The following AFF2 variants were observed in gnomAD, a reference collection of about 807,000 sequenced individuals.
The protein encoded by AFF2 is ALF transcription elongation factor 2.
Under a neutral mutation model 76.9 loss-of-function variants are expected in AFF2, and 14 were observed. That is an observed-to-expected ratio of 0.18 (90% CI 0.12 to 0.28). The LOEUF (loss-of-function observed/expected upper bound fraction) is 0.28. Ranked by LOEUF, AFF2 falls within the 10% of genes least tolerant of loss-of-function variation. The pLI, the probability that AFF2 is intolerant of heterozygous loss-of-function variation, is 1.00. For synonymous variants in AFF2, 398 were observed against 366.7 expected (o/e 1.09, Z -0.98); for missense variants, 868 against 1,001.1 (o/e 0.87, Z 1.79).
rs1440318172 is a variant in AFF2 at position 148,977,378 on chromosome X, A to T, written c.3405-555A>T. ...AATGCTGTGAAATCGACCTTCCTTT[A>T]AAAAAAAAAACCAAACCACTTTCAA... On this transcript the variant is annotated intron_variant, in intron 16 of 20. Transcript: ENST00000370460. 4.8e-5 allele frequency among the ~76,000 whole-genome samples: 5 copies of T among 104,220 alleles called. No individual in the cohort carries two copies. In the East Asian group the frequency reaches 1.5e-3, roughly 31 times the overall value. The allele number at this position is 104,220 out of a possible 115,157, so 90.5% of individuals were successfully genotyped here.
intron 1 of AFF2, among the ~76,000 whole-genome samples, chrX:148,539,251 T>C (rs1226064728): frequency 1.8e-5 from 2 of 111,273 alleles, no homozygotes; most frequent in Non-Finnish European, 1.9e-5. Context: ...CTCTTAACCA[T>C]CCTGAAGGTA....
intron 7 of AFF2, among the ~76,000 whole-genome samples, chrX:148,852,944 G>A (rs1410136819): frequency 3.6e-5 from 4 of 111,488 alleles, no homozygotes; most frequent in Non-Finnish European, 5.6e-5. Flanking sequence ...TCTCTGAGAG[G>A]TTGATAAGAT....
At chrX:148,568,146 A>G (rs1465248909) in intron 1 of AFF2, among the ~76,000 whole-genome samples, 1 of 111,496 alleles carries the variant, frequency 9.0e-6, no homozygotes, top group Admixed American at 9.5e-5. Flanking sequence ...CTCCTGTCAA[A>G]AGGGGAGGAA....
chrX:148,819,094 A>T (rs1471774884), intron 4 of AFF2, among the ~76,000 whole-genome samples: 1 of 111,059 alleles, frequency 9.0e-6, no homozygotes, highest in Non-Finnish European at 1.9e-5. Context: ...ATCAATGCCG[A>T]GAAGCAAGTA....
intron 9 of AFF2, among the ~76,000 whole-genome samples, chrX:148,907,902 G>A (rs1366283589): frequency 3.6e-5 from 4 of 110,063 alleles, no homozygotes; most frequent in African/African-American, 6.6e-5. Flanking sequence ...AGCTGCAACC[G>A]TAAAAGATAG....
chrX:148,600,424 G>A (rs1011639948), intron 1 of AFF2, among the ~76,000 whole-genome samples: 25 of 111,716 alleles, frequency 2.2e-4, no homozygotes, highest in Non-Finnish European at 4.5e-4. Context: ...GTAGCCAGAA[G>A]AAAATCTCAT....
chrX:148,501,689 C>T (rs2052354290), intron 1 of AFF2, among the ~76,000 whole-genome samples: 1 of 113,533 alleles, frequency 8.8e-6, no homozygotes, highest in East Asian at 2.8e-4. Context: ...AGCCCAAGTT[C>T]CCTGCACTCC....
intron 3 of AFF2, among the ~76,000 whole-genome samples, chrX:148,793,609 A>G (rs972957155): frequency 4.5e-5 from 5 of 111,705 alleles, no homozygotes; most frequent in Admixed American, 2.8e-4. Context: ...ATCGTAATCA[A>G]TTCAATGGAA....
intron 3 of AFF2, among the ~76,000 whole-genome samples, chrX:148,726,107 A>G (rs1214352686): frequency 8.9e-6 from 1 of 111,834 alleles, no homozygotes; most frequent in African/African-American, 3.3e-5. Context: ...AGCAAGATCA[A>G]TAAAGGAAAA....
At chrX:148,799,830 CTG>C (rs2070033808) in intron 3 of AFF2, among the ~76,000 whole-genome samples, 1 of 111,773 alleles carries the variant, frequency 8.9e-6, no homozygotes, top group African/African-American at 3.2e-5. Flanking sequence ...ACAGTTACTT[CTG>C]TGTTTCAATC....
intron 1 of AFF2, among the ~76,000 whole-genome samples, chrX:148,524,123 C>CTCTGTGTG (rs1392390338): frequency 1.1e-4 from 9 of 83,464 alleles, no homozygotes; most frequent in East Asian, 4.6e-4. Flanking sequence ...CTCTCTCTCT[C>CTCTGTGTG]TGTGTGTGTG....
chrX:148,926,219 A>G (rs185811854), intron 9 of AFF2, among the ~76,000 whole-genome samples: 1 of 112,090 alleles, frequency 8.9e-6, no homozygotes, highest in Non-Finnish European at 1.9e-5. Flanking sequence ...CGTAGAGAGT[A>G]AGTCCAGAGG....
chrX:148,984,666 G>A (rs1219319065), intron 19 of AFF2, among the ~76,000 whole-genome samples: 1 of 112,144 alleles, frequency 8.9e-6, no homozygotes, highest in East Asian at 2.8e-4. Flanking sequence ...CCACCACTGA[G>A]TATTTAAAAT....
At chrX:148,757,104 C>T (rs952433307) in intron 3 of AFF2, among the ~76,000 whole-genome samples, 1 of 112,258 alleles carries the variant, frequency 8.9e-6, no homozygotes, top group African/African-American at 3.2e-5. Context: ...TAGTACTGGC[C>T]GCCATGGCCA....
At chrX:148,718,190 G>T (rs782114847) in intron 3 of AFF2, among the ~76,000 whole-genome samples, 3 of 111,435 alleles carry the variant, frequency 2.7e-5, no homozygotes, top group Non-Finnish European at 3.8e-5. Flanking sequence ...AAATAAAACA[G>T]ACATGCAAAA....
rs373663681 is a variant in AFF2 at position 148,570,430 on chromosome X, T to C, written c.47+69286T>C. Among the ~76,000 whole-genome samples, 5 of 112,214 alleles carry C rather than the reference T, an allele frequency of 4.5e-5. No individual in the cohort carries two copies. The South Asian group carries it at 1.1e-3, about 25-fold the overall frequency. On this transcript the variant is annotated intron_variant, in intron 1 of 20. Transcript: ENST00000370460. ...CTCATAACATTTAGTAAAGTAGAAATACGCATCTTCGTAGAAGAAATGTGG... is the reference window on the plus strand; with the variant it reads ...CTCATAACATTTAGTAAAGTAGAAACACGCATCTTCGTAGAAGAAATGTGG...
At chrX:148,957,532 C>A (rs185939210) in intron 11 of AFF2, among the ~76,000 whole-genome samples, 59 of 111,849 alleles carry the variant, frequency 5.3e-4, no homozygotes, top group African/African-American at 1.8e-3. Context: ...ATCCAAAATC[C>A]AAAATGCTCC....
chrX:148,513,947 A>C (rs1230054045), intron 1 of AFF2, among the ~76,000 whole-genome samples: 1 of 111,335 alleles, frequency 9.0e-6, no homozygotes, highest in Non-Finnish European at 1.9e-5. Flanking sequence ...ATTTTAGTTA[A>C]GCTGTCCCAC....
intron 3 of AFF2, among the ~76,000 whole-genome samples, chrX:148,759,743 C>T (rs782168279): frequency 5.1e-4 from 57 of 111,931 alleles, no homozygotes; most frequent in Non-Finnish European, 9.2e-4. Flanking sequence ...AATGGAAATG[C>T]CTCTGATTCT....
Sources: gnomAD v4.1 joint callset for allele counts (sites outside exome capture counted in the v4.1 genomes callset) on GRCh38, gnomAD v4.1.1 for gene constraint, MANE v1.5 for transcripts, NCBI Gene and HGNC (gene_info 2026-07-23, HGNC 2026-07-21) for gene names.